The following VIPR2 variants were observed in gnomAD, a reference collection of about 807,000 sequenced individuals.
VIPR2 encodes the protein vasoactive intestinal peptide receptor 2.
A neutral mutation model predicts 58.0 loss-of-function variants in VIPR2; 48 were observed. That is an observed-to-expected ratio of 0.83 (90% CI 0.66 to 1.05). The LOEUF (loss-of-function observed/expected upper bound fraction) is 1.05. Ranked by LOEUF, VIPR2 falls within the 50% of genes least tolerant of loss-of-function variation. The pLI is 0.00. For missense variants in VIPR2, 534 were observed against 558.0 expected, an observed-to-expected ratio of 0.96 and a Z score of 0.43; for synonymous variants, 243 against 235.2, an observed-to-expected ratio of 1.03 and a Z score of -0.30.
intron 4 of VIPR2, among the ~76,000 whole-genome samples, chr7:159,094,633 G>T (rs1184567019): frequency 6.6e-6 from 1 of 152,216 alleles, no homozygotes; most frequent in East Asian, 1.9e-4. Flanking sequence ...TCTTTGCAGG[G>T]TGGCATCCGG....
chr7:159,101,538 A>G (rs1395332574), intron 4 of VIPR2, among the ~76,000 whole-genome samples: 1 of 129,852 alleles, frequency 7.7e-6, no homozygotes, highest in African/African-American at 3.1e-5. Context: ...AGATCCGACG[A>G]GGCGGTTCCC....
At position 159,144,529 on chromosome 7, in the gene VIPR2, G is replaced by A; in HGVS notation, c.51+192C>T. Reference sequence around the variant, plus strand: ...CCCAACCCGAGTCCCGCAACCCGGCGGGACCGGAGCTCAGCGCTTCACGCT... The same window carrying A: ...CCCAACCCGAGTCCCGCAACCCGGCAGGACCGGAGCTCAGCGCTTCACGCT... On this transcript the variant is annotated intron_variant, in intron 1 of 12. Transcript: ENST00000262178. 5 of 1,520,446 alleles carry A rather than the reference G, an allele frequency of 3.3e-6. 1 individual carries two copies. The Middle Eastern group carries it at 5.1e-4, about 156-fold the overall frequency. 94.2% of individuals were successfully genotyped at this position (1,520,446 alleles called of 1,614,324 possible). A position where few individuals can be genotyped will look rare whatever the true frequency, so the allele number is the denominator to read the frequency against.
Position 159,065,507 on chromosome 7 carries a change from A to G in VIPR2, c.358-6929T>C, listed in dbSNP as rs115901049. ...CGTGACTGCCCAGACCTCTGTAAGG[A>G]TTCTCTGCGTTTAAGCTCTTTTCAG... is the stretch of plus-strand genomic sequence containing the variant. On this transcript the variant is annotated intron_variant, in intron 4 of 12. Coordinates refer to ENST00000262178, the MANE Select transcript of VIPR2 (RefSeq NM_003382.5). Among the ~76,000 whole-genome samples the G allele has an allele frequency of 3.6e-3, 555 of 152,296 alleles. 3 individuals are homozygous for G. The highest frequency in any genetic ancestry group is 0.012 in the African/African-American group (518 of 41,568).
chr7:159,076,610 G>A (rs1856648669), intron 4 of VIPR2, among the ~76,000 whole-genome samples: 1 of 152,156 alleles, frequency 6.6e-6, no homozygotes, highest in Admixed American at 6.5e-5. Context: ...CTATCTTTAT[G>A]ACATGTGTAT....
Position 159,030,605 on chromosome 7 carries a change from C to A in VIPR2, c.*11G>T. ...TGGGCCTCCCGCCGCGTCCGACAGG[C>A]AGGGGTGGGGCTAGATGACCGAGGT... On this transcript the variant is annotated 3_prime_UTR_variant, in exon 13 of 13. Coordinates refer to ENST00000262178, the MANE Select transcript of VIPR2 (RefSeq NM_003382.5). 6.6e-7 allele frequency: 1 copy of A among 1,524,310 alleles called. No individual in the cohort carries two copies. The allele number at this position is 1,524,310 out of a possible 1,614,324, so 94.4% of individuals were successfully genotyped here.
intron 5 of VIPR2, among the ~76,000 whole-genome samples, chr7:159,044,449 T>C (rs1363640470): frequency 1.3e-5 from 2 of 152,032 alleles, no homozygotes; most frequent in Non-Finnish European, 2.9e-5. Flanking sequence ...TAAGAAAATA[T>C]GGCCCATTTA....
intron 10 of VIPR2, 25 bp downstream of exon 10, chr7:159,034,188 C>T (rs762150384): frequency 2.3e-5 from 37 of 1,610,784 alleles, no homozygotes; most frequent in Middle Eastern, 3.3e-4. Flanking sequence ...CCATCAGGGA[C>T]GGCCAGGCCG....
intron 6 of VIPR2, among the ~76,000 whole-genome samples, chr7:159,038,959 A>G (rs1271854154): frequency 1.3e-5 from 2 of 152,230 alleles, no homozygotes; most frequent in African/African-American, 2.4e-5. Context: ...GAGGGCCGGA[A>G]CAGCTTGTGG....
intron 2 of VIPR2, among the ~76,000 whole-genome samples, chr7:159,115,859 T>C (rs986590659): frequency 1.3e-5 from 2 of 152,248 alleles, no homozygotes; most frequent in African/African-American, 4.8e-5. Flanking sequence ...GCTTCTAGTC[T>C]TTCCTAAGCA....
At chr7:159,132,418 G>A (rs1796955001) in intron 2 of VIPR2, among the ~76,000 whole-genome samples, 1 of 148,484 alleles carries the variant, frequency 6.7e-6, no homozygotes. Flanking sequence ...CCTGGACTGG[G>A]ATCCAGAGTG....
rs1563355475 is a variant in VIPR2, at chr7:159,132,923, TCA to T, written c.151+9521_151+9522del. Among the ~76,000 whole-genome samples, 109 of 140,596 alleles carry T rather than the reference TCA, an allele frequency of 7.8e-4. 1 individual carries two copies. Among genetic ancestry groups the T allele is most frequent in the Admixed American group, 1.7e-3 (24 of 13,934 alleles). 92.2% of individuals were successfully genotyped at this position (140,596 alleles called of 152,430 possible). A position where few individuals can be genotyped will look rare whatever the true frequency, so the allele number is the denominator to read the frequency against. On this transcript the variant is annotated intron_variant, in intron 2 of 12. Transcript: ENST00000262178. ...AGAATGATTGGCATACAGATTGATT[TCA>T]GACAGAATGATTGGCATACAGATTG...
rs1467437504 is a variant in VIPR2, at chr7:159,087,964, G to C, written c.357+15793C>G. On this transcript the variant is annotated intron_variant, in intron 4 of 12. Coordinates refer to ENST00000262178, the MANE Select transcript of VIPR2 (RefSeq NM_003382.5). ...CTTCCCAAACAAACAATACCCAAGT[G>C]GGGGCACTCCCTATCCTCTCCCTGC... is the stretch of plus-strand genomic sequence containing the variant. Among the ~76,000 whole-genome samples the C allele has an allele frequency of 3.3e-5, 5 of 152,206 alleles. No homozygotes were observed. In the East Asian group the frequency reaches 9.6e-4, roughly 29 times the overall value.
rs1402275921 is a variant in VIPR2, at chr7:159,123,307, AAAAAAAAAG to A, written c.152-13397_152-13389del. Among the ~76,000 whole-genome samples, 483 of 150,850 alleles carry A rather than the reference AAAAAAAAAG, an allele frequency of 3.2e-3. 1 individual carries two copies. Among genetic ancestry groups the A allele is most frequent in the African/African-American group, 0.011 (463 of 41,036 alleles). ...ACTCTGTAAAAAAAAAAAAAAAAAA[AAAAAAAAAG>A]AAAGAAAAAAAAACCTCAGTGTCTG... On this transcript the variant is annotated intron_variant, in intron 2 of 12. Transcript: ENST00000262178.
chr7:159,036,807 C>T lies in VIPR2; in HGVS notation c.693G>A (p.Leu231=), dbSNP rs768649678. 1.7e-5 allele frequency: 28 copies of T among 1,613,822 alleles called. No homozygotes were observed. The highest frequency in any genetic ancestry group is 2.5e-6 in the Non-Finnish European group (3 of 1,179,982). The stretch of plus-strand genomic sequence containing the variant: ...ACCTTCTAGGGGGGAGCATGGCCAC[C>T]AGGAGGGTGTGGAGGTAGAGCCCCT... ...LVEGLYLHTL[L]VAMLPPRRCF... is the part of the protein sequence containing the mutation. Residue 231 remains leucine, a synonymous_variant, in exon 7 of 13, where the codon CTG becomes CTA. Transcript: ENST00000262178.
intron 10 of VIPR2, among the ~76,000 whole-genome samples, chr7:159,033,107 T>C (rs1262013353): frequency 6.6e-6 from 1 of 152,216 alleles, no homozygotes; most frequent in Non-Finnish European, 1.5e-5. Flanking sequence ...CCGGCAAATA[T>C]AGACTGCATT....
chr7:159,074,056 GC>G (rs1004283384), intron 4 of VIPR2, among the ~76,000 whole-genome samples: 42 of 152,214 alleles, frequency 2.8e-4, no homozygotes, highest in African/African-American at 9.6e-4. Context: ...AATAAAACAT[GC>G]AAAATGAAAT....
intron 4 of VIPR2, among the ~76,000 whole-genome samples, chr7:159,074,210 C>A (rs1856537145): frequency 6.6e-6 from 1 of 152,150 alleles, no homozygotes; most frequent in Non-Finnish European, 1.5e-5. Flanking sequence ...AAAAGAGCTG[C>A]ACAAAGTGTA....
intron 2 of VIPR2, among the ~76,000 whole-genome samples, chr7:159,124,855 C>T (rs919894241): frequency 2.0e-5 from 3 of 152,094 alleles, no homozygotes. Context: ...TTTCACCTCC[C>T]TGGTTAGCTG....
Position 159,097,732 on chromosome 7 carries a change from G to A in VIPR2, c.357+6025C>T, listed in dbSNP as rs527290455. On this transcript the variant is annotated intron_variant, in intron 4 of 12. Transcript: ENST00000262178. This position sits in a 1 kb window ranked among gnomAD's most constrained non-coding sequence, Gnocchi z 5.3. ...CTTGAAGAGGCACCTTTCAGAAGCT[G>A]AGCAGCAATTGTAGCCAGTTGGGAC... is the stretch of plus-strand genomic sequence containing the variant. Among the ~76,000 whole-genome samples, 8 of 152,326 alleles carry A rather than the reference G, an allele frequency of 5.3e-5. No individual in the cohort carries two copies. Among genetic ancestry groups the A allele is most frequent in the African/African-American group, 1.9e-4 (8 of 41,574 alleles).
Sources: allele counts gnomAD v4.1 joint callset (sites outside exome capture counted in the v4.1 genomes callset), GRCh38; gene constraint gnomAD v4.1.1; non-coding constraint Gnocchi (gnomAD v3.1); transcripts MANE v1.5; gene names NCBI Gene and HGNC (gene_info 2026-07-23, HGNC 2026-07-21).